HCN1: variants seen among roughly 807,000 people sequenced by gnomAD.
The protein encoded by HCN1 is hyperpolarization activated cyclic nucleotide gated potassium channel 1.
Under a neutral mutation model 78.9 loss-of-function variants are expected in HCN1, and 13 were observed. That is an observed-to-expected ratio of 0.16 (90% CI 0.11 to 0.26). The LOEUF is 0.26. Ranked by LOEUF, HCN1 falls within the 10% of genes least tolerant of loss-of-function variation. The probability of loss-of-function intolerance (pLI) is 1.00; values close to 1 mark genes in which losing one functional copy is unlikely to be tolerated. For synonymous variants in HCN1, 552 were observed against 455.5 expected (o/e 1.21, Z -2.70); for missense variants, 810 against 1,154.3 (o/e 0.70, Z 4.32).
chr5:45,423,942 A>T (rs2112069968), intron 3 of HCN1, among the ~76,000 whole-genome samples: 1 of 152,136 alleles, frequency 6.6e-6, no homozygotes, highest in South Asian at 2.1e-4. Flanking sequence ...CATTGCTTAA[A>T]GTGCTCCATA....
intron 2 of HCN1, among the ~76,000 whole-genome samples, chr5:45,551,179 G>A (rs374070905): frequency 1.3e-5 from 2 of 151,896 alleles, no homozygotes; most frequent in South Asian, 2.1e-4. Flanking sequence ...TCAGTGATAC[G>A]CATGTCTGAT....
intron 2 of HCN1, among the ~76,000 whole-genome samples, chr5:45,464,055 C>A (rs897387004): frequency 6.6e-6 from 1 of 152,044 alleles, no homozygotes; most frequent in Non-Finnish European, 1.5e-5. Context: ...GAACTAGCAT[C>A]GATTCTTGGT....
chr5:45,520,307 T>C (rs911263933), intron 2 of HCN1, among the ~76,000 whole-genome samples: 16 of 152,026 alleles, frequency 1.1e-4, no homozygotes, highest in Admixed American at 3.9e-4. Flanking sequence ...GTTCATTGCA[T>C]GACATGCTTA....
Position 45,281,543 on chromosome 5 carries a change from G to GCAT in HCN1, c.1619-14293_1619-14291dup, listed in dbSNP as rs200173622. ...TGTGCAGACAAAAAAGTATTTGAGA[G>GCAT]CATGCAGACAAAAAATATACAAGAG... On this transcript the variant is annotated intron_variant, in intron 6 of 7. Transcript: ENST00000303230. 6.9e-4 allele frequency among the ~76,000 whole-genome samples: 101 copies of GCAT among 147,232 alleles called. 1 individual carries two copies. In the East Asian group the frequency reaches 0.017, roughly 25 times the overall value.
At chr5:45,589,442 A>G (rs1744309705) in intron 2 of HCN1, among the ~76,000 whole-genome samples, 2 of 152,220 alleles carry the variant, frequency 1.3e-5, no homozygotes, top group Admixed American at 1.3e-4. Flanking sequence ...GTGCAGGTGT[A>G]GCTTTTGGGA....
At chr5:45,276,227 C>T (rs1745054643) in intron 6 of HCN1, among the ~76,000 whole-genome samples, 2 of 152,000 alleles carry the variant, frequency 1.3e-5, no homozygotes, top group Admixed American at 6.6e-5. Flanking sequence ...CACACACACA[C>T]CACATGCACA....
At chr5:45,549,313 AACAT>A (rs1235066366) in intron 2 of HCN1, among the ~76,000 whole-genome samples, 1 of 152,090 alleles carries the variant, frequency 6.6e-6, no homozygotes, top group African/African-American at 2.4e-5. Flanking sequence ...AGACCAATGG[AACAT>A]AACAGAGCCC....
intron 4 of HCN1, among the ~76,000 whole-genome samples, chr5:45,377,595 A>C (rs2112021848): frequency 6.6e-6 from 1 of 152,048 alleles, no homozygotes. Context: ...AGTTAAAAAA[A>C]AGTGATGTAT....
intron 2 of HCN1, among the ~76,000 whole-genome samples, chr5:45,561,584 C>A (rs376165810): frequency 2.1e-5 from 3 of 142,338 alleles, no homozygotes; most frequent in African/African-American, 5.1e-5. Context: ...TTGTCCCTGG[C>A]TCCTGAGAAA....
chr5:45,353,186 T>C lies in HCN1; in HGVS notation c.1291A>G (p.Ile431Val). The C allele has an allele frequency of 6.2e-7, 1 of 1,609,150 alleles. No individual in the cohort carries two copies. The highest frequency in any genetic ancestry group is 1.7e-5 in the Admixed American group (1 of 59,918). The change falls in exon 5 of 8, where the codon ATA (isoleucine) becomes GTA (valine). Residue 431 changes from isoleucine (I) to valine (V), a missense_variant. Around this residue, in one of 6 missense-constraint regions of HCN1, gnomAD observed 100 missense variants for 126.8 expected, o/e 0.79. Transcript: ENST00000303230. ...TATCTGTGTTCATAGTAATCATGTATCTTCTGACGCATATCAGCTGGTAAC... is the reference window on the plus strand; with the variant it reads ...TATCTGTGTTCATAGTAATCATGTACCTTCTGACGCATATCAGCTGGTAAC... The part of the protein sequence containing the change: ...HKLPADMRQK[I>V]HDYYEHRYQG...
chr5:45,599,430 G>T (rs1202272196), intron 2 of HCN1, among the ~76,000 whole-genome samples: 2 of 151,826 alleles, frequency 1.3e-5, no homozygotes, highest in Non-Finnish European at 2.9e-5. Context: ...CTGGGGGAGG[G>T]ATAGCATTAG....
chr5:45,656,951 G>A (rs1745773392), intron 1 of HCN1, among the ~76,000 whole-genome samples: 2 of 151,814 alleles, frequency 1.3e-5, no homozygotes, highest in African/African-American at 4.8e-5. Context: ...AAAACAGTAT[G>A]TTTAAAGATG....
intron 2 of HCN1, among the ~76,000 whole-genome samples, chr5:45,595,725 A>G (rs1744477820): frequency 6.6e-6 from 1 of 151,394 alleles, no homozygotes; most frequent in African/African-American, 2.4e-5. Flanking sequence ...TTTTTATTTG[A>G]CTCTATATGA....
chr5:45,650,055 C>T (rs187463941), intron 1 of HCN1, among the ~76,000 whole-genome samples: 1 of 152,114 alleles, frequency 6.6e-6, no homozygotes, highest in East Asian at 1.9e-4. Context: ...CATATATCTA[C>T]CTACTTCTAT....
chr5:45,319,989 A>T (rs1394737390), intron 5 of HCN1, among the ~76,000 whole-genome samples: 2 of 151,906 alleles, frequency 1.3e-5, no homozygotes, highest in Admixed American at 6.6e-5. Flanking sequence ...TCTAAACAGT[A>T]TATTTCTGAA....
intron 4 of HCN1, among the ~76,000 whole-genome samples, chr5:45,365,332 C>G (rs959480943): frequency 6.6e-6 from 1 of 151,748 alleles, no homozygotes; most frequent in African/African-American, 2.4e-5. Flanking sequence ...ATTTTTCAAC[C>G]CTCACCCACC....
chr5:45,368,553 A>G (rs746213088), intron 4 of HCN1, among the ~76,000 whole-genome samples: 13 of 151,948 alleles, frequency 8.6e-5, no homozygotes, highest in Admixed American at 5.9e-4. Flanking sequence ...CTCTATATAT[A>G]CTGGTAAGAC....
rs1011563514 is a variant in HCN1 at position 45,257,984 on chromosome 5, T to C, written c.*3937A>G. ...CTTTTTAAAGTAGGTGAACATAAAA[T>C]AAAAGTTTGCTAGTTGTAGTGCATA... is the stretch of plus-strand genomic sequence containing the variant. On this transcript the variant is annotated 3_prime_UTR_variant, in exon 8 of 8. Coordinates refer to ENST00000303230, the MANE Select transcript of HCN1 (RefSeq NM_021072.4). 1 of 151,676 alleles carries C rather than the reference T, an allele frequency of 6.6e-6. No individual in the cohort carries two copies. Among genetic ancestry groups the C allele is most frequent in the African/African-American group, 2.4e-5 (1 of 41,000 alleles). 9.4% of individuals were successfully genotyped at this position (151,676 alleles called of 1,614,324 possible).
At chr5:45,492,157 A>C (rs956013002) in intron 2 of HCN1, among the ~76,000 whole-genome samples, 1 of 151,926 alleles carries the variant, frequency 6.6e-6, no homozygotes, top group Non-Finnish European at 1.5e-5. Context: ...TCTAGCTATC[A>C]TATCCAGCAT....
Sources: gnomAD v4.1 joint callset for allele counts (sites outside exome capture counted in the v4.1 genomes callset) on GRCh38, gnomAD v4.1.1 for gene constraint, gnomAD v4.1.1 regional missense constraint, MANE v1.5 for transcripts, NCBI Gene and HGNC (gene_info 2026-07-23, HGNC 2026-07-21) for gene names.